The following DSCAML1 variants were observed in gnomAD, a reference collection of about 807,000 sequenced individuals.
The protein encoded by DSCAML1 is cell adhesion molecule DSCAML1.
Under a neutral mutation model 200.5 loss-of-function variants are expected in DSCAML1, and 38 were observed. That is an observed-to-expected ratio of 0.19 (90% CI 0.15 to 0.25). The LOEUF is 0.25. DSCAML1 is among the 10% of genes least tolerant of loss of function. The pLI is 1.00. For missense variants in DSCAML1, 2,223 were observed against 2,858.8 expected (o/e 0.78, Z 5.07); for synonymous variants, 1,215 against 1,165.0 (o/e 1.04, Z -0.87).
At chr11:117,436,528 G>A (rs2047919218) in intron 26 of DSCAML1, among the ~76,000 whole-genome samples, 1 of 123,480 alleles carries the variant, frequency 8.1e-6, no homozygotes, top group Admixed American at 8.5e-5. Context: ...GTGTGTGTGT[G>A]TATGTGTGTG....
intron 3 of DSCAML1, among the ~76,000 whole-genome samples, chr11:117,587,126 C>T (rs1565808539): frequency 6.6e-6 from 1 of 151,876 alleles, no homozygotes; most frequent in Non-Finnish European, 1.5e-5. Flanking sequence ...TTGCTGCTGC[C>T]CCCTCAGAGA....
chr11:117,613,829 G>A (rs565556459), intron 3 of DSCAML1, among the ~76,000 whole-genome samples: 18 of 152,294 alleles, frequency 1.2e-4, no homozygotes, highest in Middle Eastern at 3.4e-3. Context: ...GGGGGTGTGG[G>A]AGCAGACCCC....
rs58166401 is a variant in DSCAML1 at position 117,762,868 on chromosome 11, G to GTAATAATAATAATAATAATAA, written c.511+13902_511+13922dup. On this transcript the variant is annotated intron_variant, in intron 3 of 32. Coordinates refer to ENST00000651296, the MANE Select transcript of DSCAML1 (RefSeq NM_020693.4). The stretch of plus-strand genomic sequence containing the variant: ...ACAGAGTGAGACTCTGTCTCAAATA[G>GTAATAATAATAATAATAATAA]TAATAATAATAATAATAATAATAAT... 2.0e-3 allele frequency among the ~76,000 whole-genome samples: 288 copies of GTAATAATAATAATAATAATAA among 146,654 alleles called. 1 individual carries two copies. The highest frequency in any genetic ancestry group is 3.3e-3 in the African/African-American group (134 of 40,104).
Position 117,504,059 on chromosome 11 carries a change from C to G in DSCAML1, c.2183-38G>C. On this transcript the variant is annotated intron_variant, in intron 10 of 32. Coordinates refer to ENST00000651296, the MANE Select transcript of DSCAML1 (RefSeq NM_020693.4). This position sits in a 1 kb window ranked among gnomAD's most constrained non-coding sequence, Gnocchi z 5.0. ...AGCTGTTAGGAGGGCTGAGTCTGCACTGGGGCATAAGCTGAGAGTGCCCCA... is the reference window on the plus strand; with the variant it reads ...AGCTGTTAGGAGGGCTGAGTCTGCAGTGGGGCATAAGCTGAGAGTGCCCCA... 1 of 1,606,478 alleles carries G rather than the reference C, an allele frequency of 6.2e-7. No individual in the cohort carries two copies. Among genetic ancestry groups the G allele is most frequent in the Non-Finnish European group, 8.5e-7 (1 of 1,175,954 alleles).
At chr11:117,535,735 G>A (rs777340203) in intron 3 of DSCAML1, among the ~76,000 whole-genome samples, 1 of 152,046 alleles carries the variant, frequency 6.6e-6, no homozygotes, top group Non-Finnish European at 1.5e-5. Context: ...TGCCAGTGTC[G>A]GGAGGTAGTG....
intron 1 of DSCAML1, among the ~76,000 whole-genome samples, chr11:117,794,265 G>C (rs2134075416): frequency 6.6e-6 from 1 of 152,310 alleles, no homozygotes; most frequent in Middle Eastern, 3.4e-3. Context: ...TGCAAATGCA[G>C]GCAACACAGA....
chr11:117,802,526 C>T (rs2055671199), intron 1 of DSCAML1, among the ~76,000 whole-genome samples: 1 of 152,162 alleles, frequency 6.6e-6, no homozygotes, highest in Admixed American at 6.5e-5. Flanking sequence ...TATCTGATTA[C>T]AGCCTCACGT....
rs772350572 is a variant in DSCAML1, at chr11:117,780,465, C to T, written c.364+28G>A. 12 of 1,419,466 alleles carry T rather than the reference C, an allele frequency of 8.5e-6. No individual in the cohort carries two copies. Among genetic ancestry groups the T allele is most frequent in the Non-Finnish European group, 9.2e-6 (10 of 1,082,812 alleles). 87.9% of individuals were successfully genotyped at this position (1,419,466 alleles called of 1,614,324 possible). On this transcript the variant is annotated intron_variant, in intron 2 of 32. Transcript: ENST00000651296. This position sits in a 1 kb window ranked among gnomAD's most constrained non-coding sequence, Gnocchi z 4.8. ...GACGGCGCAGCCTCCTCCTGTGCCACTGGGGCAGCCAGTGTCTTGTCCCTT... is the reference window on the plus strand; with the variant it reads ...GACGGCGCAGCCTCCTCCTGTGCCATTGGGGCAGCCAGTGTCTTGTCCCTT...
rs2047904923 is a variant in DSCAML1, at chr11:117,435,853, C to G, written c.4721-54G>C. 7 of 1,553,168 alleles carry G rather than the reference C, an allele frequency of 4.5e-6. No individual in the cohort carries two copies. The South Asian group carries it at 4.8e-5, about 11-fold the overall frequency. On this transcript the variant is annotated intron_variant, in intron 26 of 32. Transcript: ENST00000651296. The stretch of plus-strand genomic sequence containing the variant: ...TGTCCCTTATGAGCCAGGTGCTGTG[C>G]AGAACATCTCATGGGTGGGGCAGTC...
intron 3 of DSCAML1, among the ~76,000 whole-genome samples, chr11:117,544,856 A>G (rs1457429308): frequency 6.6e-6 from 1 of 152,158 alleles, no homozygotes; most frequent in Non-Finnish European, 1.5e-5. Flanking sequence ...ATGCAACTGT[A>G]TCTGGAGATA....
Position 117,738,151 on chromosome 11 carries a change from T to G in DSCAML1, c.511+38640A>C, listed in dbSNP as rs117878061. On this transcript the variant is annotated intron_variant, in intron 3 of 32. Transcript: ENST00000651296. The stretch of plus-strand genomic sequence containing the variant: ...TACATCTATATACAGATACATATTC[T>G]GCATTGTTCTAGAAGGGGACAGTTT... Among the ~76,000 whole-genome samples, 383 of 152,304 alleles carry G rather than the reference T, an allele frequency of 2.5e-3. 1 individual carries two copies. The highest frequency in any genetic ancestry group is 4.6e-3 in the Non-Finnish European group (313 of 68,030).
At chr11:117,612,431 C>G (rs181591757) in intron 3 of DSCAML1, among the ~76,000 whole-genome samples, 302 of 152,326 alleles carry the variant, frequency 2.0e-3, no homozygotes, top group Non-Finnish European at 3.3e-3. Flanking sequence ...GCTTCCTTCT[C>G]CTGCCTCCCC....
chr11:117,441,606 A>ACCAAGTGC (rs1413680284), intron 21 of DSCAML1, among the ~76,000 whole-genome samples: 1 of 152,078 alleles, frequency 6.6e-6, no homozygotes, highest in East Asian at 1.9e-4. Flanking sequence ...ATTTAAAGGA[A>ACCAAGTGC]CCAAGTGCCC....
At chr11:117,658,628 T>C (rs995832665) in intron 3 of DSCAML1, among the ~76,000 whole-genome samples, 4 of 152,178 alleles carry the variant, frequency 2.6e-5, no homozygotes, top group Non-Finnish European at 5.9e-5. Context: ...AAGGCCCAAG[T>C]CAACAGCTGA....
At chr11:117,559,116 A>ACAGAAAAACAGAC in intron 3 of DSCAML1, among the ~76,000 whole-genome samples, 1 of 136,862 alleles carries the variant, frequency 7.3e-6, no homozygotes, top group African/African-American at 2.9e-5. Flanking sequence ...AAAAAAGAAA[A>ACAGAAAAACAGAC]AGAAAGACAG....
intron 3 of DSCAML1, among the ~76,000 whole-genome samples, chr11:117,673,454 G>A (rs1424036280): frequency 6.6e-6 from 1 of 152,152 alleles, no homozygotes; most frequent in Non-Finnish European, 1.5e-5. Context: ...TGCTTTTCAT[G>A]GGGGTTTATC....
At chr11:117,717,349 C>T (rs148482747) in intron 3 of DSCAML1, among the ~76,000 whole-genome samples, 10 of 152,146 alleles carry the variant, frequency 6.6e-5, no homozygotes, top group East Asian at 3.9e-4. Flanking sequence ...CACCTCTCCC[C>T]GCCCCTGCCT....
chr11:117,525,807 C>T lies in DSCAML1; in HGVS notation c.659-724G>A, dbSNP rs538477572. On this transcript the variant is annotated intron_variant, in intron 4 of 32. Transcript: ENST00000651296. ...GCTGTAGAGCAGTGATGTGTCATGACGTCTCAAGTTTGCAATTCATGGTAA... is the reference window on the plus strand; with the variant it reads ...GCTGTAGAGCAGTGATGTGTCATGATGTCTCAAGTTTGCAATTCATGGTAA... Among the ~76,000 whole-genome samples, 7 of 152,272 alleles carry T rather than the reference C, an allele frequency of 4.6e-5. 1 individual carries two copies. In the South Asian group the frequency reaches 8.3e-4, roughly 18 times the overall value.
chr11:117,557,723 G>A (rs1037397261), intron 3 of DSCAML1, among the ~76,000 whole-genome samples: 4 of 152,226 alleles, frequency 2.6e-5, no homozygotes, highest in Non-Finnish European at 5.9e-5. Context: ...GTGATCAGGA[G>A]GGAGGCAGTG....
Sources: gnomAD v4.1 joint callset for allele counts (sites outside exome capture counted in the v4.1 genomes callset) on GRCh38, gnomAD v4.1.1 for gene constraint, Gnocchi (gnomAD v3.1) non-coding constraint, MANE v1.5 for transcripts, NCBI Gene and HGNC (gene_info 2026-07-23, HGNC 2026-07-21) for gene names.